Variants in C13orf42 observed in about 807,000 individuals in gnomAD.
The protein encoded by C13orf42 is uncharacterized protein C13orf42.
intron 1 of C13orf42, among the ~76,000 whole-genome samples, chr13:51,123,899 T>C (rs1000507968): frequency 7.2e-5 from 11 of 152,332 alleles, no homozygotes; most frequent in Admixed American, 5.9e-4. Flanking sequence ...ATTTAGTTTA[T>C]AGTTTAAAGC....
chr13:51,115,477 T>G (rs1373779986), upstream of C13orf42, among the ~76,000 whole-genome samples: 1 of 152,144 alleles, frequency 6.6e-6, no homozygotes, highest in Non-Finnish European at 1.5e-5. Flanking sequence ...GGGGATAGTC[T>G]GTGGCACACA....
intron 1 of C13orf42, among the ~76,000 whole-genome samples, chr13:51,157,966 C>T (rs187646293): frequency 1.3e-5 from 2 of 152,216 alleles, no homozygotes; most frequent in African/African-American, 2.4e-5. Context: ...AAGTCACCAC[C>T]CTTAGTGACA....
intron 3 of C13orf42, among the ~76,000 whole-genome samples, chr13:51,085,114 C>T (rs1404796224): frequency 6.6e-6 from 1 of 151,472 alleles, no homozygotes; most frequent in Non-Finnish European, 1.5e-5. Context: ...AGGAGCAGTG[C>T]ACCAGGCTAG....
chr13:51,115,146 TTGC>T (rs1953477680), upstream of C13orf42, among the ~76,000 whole-genome samples: 1 of 152,238 alleles, frequency 6.6e-6, no homozygotes, highest in South Asian at 2.1e-4. Flanking sequence ...CAGCATATAG[TTGC>T]CAAGCTATTA....
chr13:51,155,365 G>A (rs1186496604), intron 1 of C13orf42, among the ~76,000 whole-genome samples: 1 of 152,210 alleles, frequency 6.6e-6, no homozygotes, highest in Non-Finnish European at 1.5e-5. Context: ...GTGTTTGAGA[G>A]GAGCTCCTAA....
intron 1 of C13orf42, among the ~76,000 whole-genome samples, chr13:51,161,537 C>T (rs561106236): frequency 2.0e-5 from 3 of 152,262 alleles, no homozygotes; most frequent in African/African-American, 7.2e-5. Flanking sequence ...TATTCCCTTG[C>T]CTAATCATCC....
intron 1 of C13orf42, among the ~76,000 whole-genome samples, chr13:51,166,005 T>C (rs1953899524): frequency 6.6e-6 from 1 of 152,176 alleles, no homozygotes; most frequent in Non-Finnish European, 1.5e-5. Context: ...TTCATAGTCA[T>C]CCCATGAGAC....
chr13:51,129,540 TG>T (rs1177697382), intron 1 of C13orf42, among the ~76,000 whole-genome samples: 1 of 152,190 alleles, frequency 6.6e-6, no homozygotes, highest in East Asian at 1.9e-4. Flanking sequence ...TCGGCCACAA[TG>T]GGCATGTCTT....
At chr13:51,113,016 C>G (rs1383030122), upstream of C13orf42, among the ~76,000 whole-genome samples, 2 of 152,196 alleles carry the variant, frequency 1.3e-5, no homozygotes, top group Non-Finnish European at 2.9e-5. Context: ...ACTACACAGC[C>G]TTTCTCAGTA....
intron 1 of C13orf42, among the ~76,000 whole-genome samples, chr13:51,120,923 A>G (rs1401050870): frequency 6.6e-6 from 1 of 152,194 alleles, no homozygotes; most frequent in African/African-American, 2.4e-5. Context: ...CTGAGGCAGG[A>G]GAATCTCTTG....
intron 1 of C13orf42, among the ~76,000 whole-genome samples, chr13:51,137,662 C>T (rs1356828068): frequency 1.3e-5 from 2 of 152,162 alleles, no homozygotes; most frequent in East Asian, 1.9e-4. Context: ...CCTTCCTCCT[C>T]CTTTCCTCTT....
chr13:51,107,268 C>A (rs1001095842), intron 1 of C13orf42, among the ~76,000 whole-genome samples: 3 of 152,124 alleles, frequency 2.0e-5, no homozygotes, highest in Non-Finnish European at 2.9e-5. Flanking sequence ...TGTCTTGATC[C>A]AGTAATGGCT....
chr13:51,166,482 TA>T (rs1191724342), intron 1 of C13orf42, among the ~76,000 whole-genome samples: 1 of 142,370 alleles, frequency 7.0e-6, no homozygotes, highest in Non-Finnish European at 1.5e-5. Flanking sequence ...TCGGGAGACA[TA>T]CCTAATGCTA....
At chr13:51,167,183 A>G (rs1265655787) in intron 1 of C13orf42, among the ~76,000 whole-genome samples, 1 of 152,204 alleles carries the variant, frequency 6.6e-6, no homozygotes, top group African/African-American at 2.4e-5. Context: ...AATTCTGTCC[A>G]GGAAACCCAT....
chr13:51,129,236 G>C (rs532898514), intron 1 of C13orf42, among the ~76,000 whole-genome samples: 10 of 152,296 alleles, frequency 6.6e-5, no homozygotes, highest in African/African-American at 2.4e-4. Flanking sequence ...TGGCAAAACA[G>C]AATATCTGTG....
chr13:51,113,963 T>G (rs1953460745), upstream of C13orf42, among the ~76,000 whole-genome samples: 2 of 152,232 alleles, frequency 1.3e-5, no homozygotes, highest in African/African-American at 4.8e-5. Flanking sequence ...CCTTGAGGCT[T>G]GGCCAGAGAA....
intron 1 of C13orf42, among the ~76,000 whole-genome samples, chr13:51,116,901 T>C (rs1953496428): frequency 6.6e-6 from 1 of 152,232 alleles, no homozygotes; most frequent in South Asian, 2.1e-4. Flanking sequence ...AATACTTAAA[T>C]GGATGCTCAG....
chr13:51,093,584 G>A (rs1035709388), intron 1 of C13orf42, among the ~76,000 whole-genome samples: 1 of 152,142 alleles, frequency 6.6e-6, no homozygotes, highest in Admixed American at 6.6e-5. Context: ...TAAATAATAA[G>A]GTTAGTGGTG....
chr13:51,096,409 T>C (rs1350210097), intron 1 of C13orf42, among the ~76,000 whole-genome samples: 3 of 152,198 alleles, frequency 2.0e-5, no homozygotes, highest in Non-Finnish European at 4.4e-5. Context: ...AGTGACATTC[T>C]TTCCTGCTCT....
Sources: allele counts gnomAD v4.1 joint callset (sites outside exome capture counted in the v4.1 genomes callset), GRCh38; gene constraint gnomAD v4.1.1; transcripts MANE v1.5; gene names NCBI Gene and HGNC (gene_info 2026-07-23, HGNC 2026-07-21).